Variants in HTR7 observed in about 807,000 individuals in gnomAD.
HTR7 encodes 5-HT-7.
Under a neutral mutation model 34.0 loss-of-function variants are expected in HTR7, and 16 were observed. The ratio of observed to expected loss-of-function variants is 0.47; its 90% CI spans 0.32 to 0.71. HTR7 has a LOEUF of 0.71. HTR7 is among the 30% of genes least tolerant of loss of function. HTR7 has a pLI of 0.04. For synonymous variants in HTR7, 265 were observed against 260.2 expected (o/e 1.02, Z -0.18); for missense variants, 504 against 625.5 (o/e 0.81, Z 2.07).
intron 1 of HTR7, among the ~76,000 whole-genome samples, chr10:90,791,509 C>G (rs1845459091): frequency 6.6e-6 from 1 of 151,860 alleles, no homozygotes; most frequent in South Asian, 2.1e-4. Context: ...TGAAAATGTT[C>G]AAAAAAGATG....
chr10:90,784,266 A>G (rs1845350222), intron 1 of HTR7, among the ~76,000 whole-genome samples: 2 of 152,164 alleles, frequency 1.3e-5, no homozygotes, highest in African/African-American at 4.8e-5. Context: ...ATCATGTGCT[A>G]AATACCTCTG....
At chr10:90,825,915 G>GA (rs1846065625) in intron 1 of HTR7, among the ~76,000 whole-genome samples, 1 of 152,162 alleles carries the variant, frequency 6.6e-6, no homozygotes. Flanking sequence ...AAGAGGAAGT[G>GA]GAGAGAGAGA....
chr10:90,771,082 C>T (rs1369951680), intron 1 of HTR7, among the ~76,000 whole-genome samples: 1 of 152,138 alleles, frequency 6.6e-6, no homozygotes, highest in Non-Finnish European at 1.5e-5. Flanking sequence ...GAACACTCAT[C>T]GGGATGACCA....
At chr10:90,856,087 C>G (rs910390155) in intron 1 of HTR7, among the ~76,000 whole-genome samples, 1 of 113,322 alleles carries the variant, frequency 8.8e-6, no homozygotes, top group East Asian at 2.6e-4. Context: ...TCAATTATTT[C>G]CCCTAGGCTG....
At position 90,741,190 on chromosome 10, in the gene HTR7, T is replaced by C. The variant is rs988935807; in HGVS notation, c.*1292A>G. 2.6e-5 allele frequency: 4 copies of C among 152,598 alleles called. No homozygotes were observed. The highest frequency in any genetic ancestry group is 7.2e-5 in the African/African-American group (3 of 41,446). The allele number at this position is 152,598 out of a possible 1,614,324, so 9.5% of individuals were successfully genotyped here. A position where few individuals can be genotyped will look rare whatever the true frequency, so the allele number is the denominator to read the frequency against. ...TCTCTTTCAGTTCACTCTTATCAAA[T>C]AAAGAATTGCATTCATTTTTCCCCT... On this transcript the variant is annotated 3_prime_UTR_variant, in exon 4 of 4. Transcript: ENST00000336152.
At chr10:90,824,976 C>T (rs1312190141) in intron 1 of HTR7, among the ~76,000 whole-genome samples, 1 of 152,182 alleles carries the variant, frequency 6.6e-6, no homozygotes, top group South Asian at 2.1e-4. Flanking sequence ...AGCCCTAGGG[C>T]CTTGAGTGAA....
intron 1 of HTR7, among the ~76,000 whole-genome samples, chr10:90,756,680 GT>G (rs1406260579): frequency 6.6e-6 from 1 of 152,084 alleles, no homozygotes; most frequent in Non-Finnish European, 1.5e-5. Flanking sequence ...AAAAAAGAGA[GT>G]TTCCCTTAAG....
chr10:90,806,523 C>CG (rs1845709442), intron 1 of HTR7, among the ~76,000 whole-genome samples: 1 of 151,882 alleles, frequency 6.6e-6, no homozygotes, highest in Admixed American at 6.6e-5. Flanking sequence ...GGCGTGAACC[C>CG]GGGAGGCGGA....
intron 1 of HTR7, among the ~76,000 whole-genome samples, chr10:90,846,892 G>T (rs1846419996): frequency 6.6e-6 from 1 of 152,168 alleles, no homozygotes; most frequent in South Asian, 2.1e-4. Flanking sequence ...TGCAAGGGGT[G>T]AAGGGTTATT....
At chr10:90,828,378 T>C (rs1846112612) in intron 1 of HTR7, among the ~76,000 whole-genome samples, 2 of 151,964 alleles carry the variant, frequency 1.3e-5, no homozygotes, top group Admixed American at 1.3e-4. Flanking sequence ...TAAATGAAAT[T>C]GAAATGAAGA....
chr10:90,757,894 C>A (rs1670845204), intron 1 of HTR7, among the ~76,000 whole-genome samples: 1 of 152,008 alleles, frequency 6.6e-6, no homozygotes, highest in Non-Finnish European at 1.5e-5. Context: ...CTGTAAGAGA[C>A]CTTAATAAAT....
chr10:90,796,469 A>G (rs1458606768), intron 1 of HTR7, among the ~76,000 whole-genome samples: 2 of 152,214 alleles, frequency 1.3e-5, no homozygotes, highest in African/African-American at 4.8e-5. Context: ...CAAATTTTAG[A>G]CCAGGTGTGG....
chr10:90,829,223 A>C (rs1472963553), intron 1 of HTR7, among the ~76,000 whole-genome samples: 1 of 152,212 alleles, frequency 6.6e-6, no homozygotes, highest in Non-Finnish European at 1.5e-5. Flanking sequence ...AAACCCTCAA[A>C]AAACTGAGTG....
At chr10:90,783,833 G>T (rs1170562696) in intron 1 of HTR7, among the ~76,000 whole-genome samples, 1 of 152,066 alleles carries the variant, frequency 6.6e-6, no homozygotes, top group African/African-American at 2.4e-5. Flanking sequence ...GTTCACCTCT[G>T]CCTGGGTCTT....
chr10:90,848,778 T>C (rs968965486), intron 1 of HTR7, among the ~76,000 whole-genome samples: 4 of 152,348 alleles, frequency 2.6e-5, no homozygotes, highest in African/African-American at 9.6e-5. Flanking sequence ...GTAGTTAGAA[T>C]TTGTTCATTT....
In HTR7 at chr10:90,857,735, C is replaced by A. The variant is rs1178438526; in HGVS notation, c.-64G>T. ...CGGCCACGCGCCTCCGGCTGCCGGC[C>A]CCGGGGCTTCACCTCACCGGTTCCG... On this transcript the variant is annotated 5_prime_UTR_variant, in exon 1 of 4. Transcript: ENST00000336152. The surrounding 1 kb of genome is among the most constrained non-coding windows in gnomAD (Gnocchi z 6.5). 7 of 1,393,330 alleles carry A rather than the reference C, an allele frequency of 5.0e-6. No individual in the cohort carries two copies. Among genetic ancestry groups the A allele is most frequent in the Non-Finnish European group, 5.6e-6 (6 of 1,080,990 alleles). The allele number at this position is 1,393,330 out of a possible 1,614,324, so 86.3% of individuals were successfully genotyped here. A position where few individuals can be genotyped will look rare whatever the true frequency, so the allele number is the denominator to read the frequency against.
In HTR7 at chr10:90,798,590, C is replaced by T. The variant is rs532011802; in HGVS notation, c.540-48996G>A. ...ATTTAGCCAAGTGTGGTGGCACATG[C>T]CTGAGTCCCAGCAACTCAGGGACCA... On this transcript the variant is annotated intron_variant, in intron 1 of 3. Coordinates refer to ENST00000336152, the MANE Select transcript of HTR7 (RefSeq NM_019859.4). 3.9e-5 allele frequency among the ~76,000 whole-genome samples: 6 copies of T among 152,268 alleles called. 1 individual carries two copies. In the South Asian group the frequency reaches 1.2e-3, roughly 32 times the overall value.
At chr10:90,781,147 T>C (rs1391112613) in intron 1 of HTR7, among the ~76,000 whole-genome samples, 1 of 152,244 alleles carries the variant, frequency 6.6e-6, no homozygotes, top group Non-Finnish European at 1.5e-5. Flanking sequence ...GAAGTAATCA[T>C]TGTTAAGTGT....
chr10:90,807,508 C>T (rs1032624989), intron 1 of HTR7, among the ~76,000 whole-genome samples: 3 of 152,270 alleles, frequency 2.0e-5, no homozygotes, highest in African/African-American at 4.8e-5. Context: ...CATCCTGGCT[C>T]AAAAACCTCC....
Sources: gnomAD v4.1 joint callset for allele counts (sites outside exome capture counted in the v4.1 genomes callset) on GRCh38, gnomAD v4.1.1 for gene constraint, Gnocchi (gnomAD v3.1) non-coding constraint, MANE v1.5 for transcripts, NCBI Gene and HGNC (gene_info 2026-07-23, HGNC 2026-07-21) for gene names.